The following EXOC4 variants were observed in gnomAD, a reference collection of about 807,000 sequenced individuals.
EXOC4 encodes the protein exocyst complex component 4, also known as SEC8-like 1.
Under a neutral mutation model 107.2 loss-of-function variants are expected in EXOC4, and 71 were observed. The ratio of observed to expected loss-of-function variants is 0.66; its 90% CI spans 0.55 to 0.81. The LOEUF (loss-of-function observed/expected upper bound fraction) is 0.81, where lower values mean the gene tolerates loss of function less well. Among genes scored for constraint, EXOC4 ranks in the 30% least tolerant of loss-of-function variants. EXOC4 has a pLI of 0.00. For synonymous variants in EXOC4, 456 were observed against 441.2 expected (o/e 1.03, Z -0.42); for missense variants, 1,108 against 1,189.6 (o/e 0.93, Z 1.01).
At chr7:133,875,673 CT>C (rs1288707135) in intron 11 of EXOC4, among the ~76,000 whole-genome samples, 2 of 152,110 alleles carry the variant, frequency 1.3e-5, no homozygotes, top group Non-Finnish European at 2.9e-5. Context: ...CTTTTTTTCA[CT>C]GAAGAATGTC....
intron 7 of EXOC4, among the ~76,000 whole-genome samples, chr7:133,465,912 G>A (rs1178686959): frequency 6.6e-6 from 1 of 152,082 alleles, no homozygotes; most frequent in Admixed American, 6.6e-5. Context: ...GAGGTGGGTG[G>A]ATCACCAGAG....
At chr7:133,604,702 C>CTTTTTTTTTTTTTTTT (rs1801888688) in intron 9 of EXOC4, among the ~76,000 whole-genome samples, 1 of 113,124 alleles carries the variant, frequency 8.8e-6, no homozygotes, top group Non-Finnish European at 1.9e-5. Flanking sequence ...TTCCTTCCTT[C>CTTTTTTTTTTTTTTTT]CTTCTTTCTT....
At position 133,516,758 on chromosome 7, in the gene EXOC4, A is replaced by ATTTTT. The variant is rs780319592; in HGVS notation, c.1417+36630_1417+36634dup. Among the ~76,000 whole-genome samples, 63 of 49,044 alleles carry ATTTTT rather than the reference A, an allele frequency of 1.3e-3. 10 individuals are homozygous for ATTTTT. The highest frequency in any genetic ancestry group is 2.2e-3 in the Admixed American group (6 of 2,672). 32.2% of individuals were successfully genotyped at this position (49,044 alleles called of 152,430 possible). ...TGGGAAACTGCCAAACTAGCTGCTCATTTTTTTTTTTTTTACAGAATTTAT... is the reference window on the plus strand; with the variant it reads ...TGGGAAACTGCCAAACTAGCTGCTCATTTTTTTTTTTTTTTTTTTACAGAATTTAT... On this transcript the variant is annotated intron_variant, in intron 9 of 17. Coordinates refer to ENST00000253861, the MANE Select transcript of EXOC4 (RefSeq NM_021807.4).
chr7:134,041,916 A>C (rs758914654), intron 17 of EXOC4, among the ~76,000 whole-genome samples: 12 of 152,196 alleles, frequency 7.9e-5, no homozygotes, highest in Non-Finnish European at 1.2e-4. Flanking sequence ...GGCTTTAAAA[A>C]TCCTCATTTC....
intron 17 of EXOC4, among the ~76,000 whole-genome samples, chr7:134,018,538 G>A (rs1417485628): frequency 6.6e-6 from 1 of 152,140 alleles, no homozygotes; most frequent in African/African-American, 2.4e-5. Flanking sequence ...GAATTCTGTG[G>A]CCAGCACTCC....
At chr7:133,649,292 C>G (rs988284759) in intron 10 of EXOC4, among the ~76,000 whole-genome samples, 1 of 151,988 alleles carries the variant, frequency 6.6e-6, no homozygotes, top group African/African-American at 2.4e-5. Flanking sequence ...TTTTCCAGCA[C>G]CACTTTCTTT....
At chr7:133,281,917 A>G (rs1259965745) in intron 2 of EXOC4, among the ~76,000 whole-genome samples, 1 of 152,036 alleles carries the variant, frequency 6.6e-6, no homozygotes, top group Admixed American at 6.6e-5. Flanking sequence ...TGGCCAGGCT[A>G]GTCTTGAACT....
At chr7:133,327,125 G>T (rs1795264485) in intron 5 of EXOC4, among the ~76,000 whole-genome samples, 2 of 152,156 alleles carry the variant, frequency 1.3e-5, no homozygotes, top group Non-Finnish European at 2.9e-5. Flanking sequence ...CTTTGGCTAG[G>T]AAAGGGAATT....
At chr7:133,468,549 G>A (rs900491757) in intron 7 of EXOC4, among the ~76,000 whole-genome samples, 1 of 152,080 alleles carries the variant, frequency 6.6e-6, no homozygotes, top group East Asian at 1.9e-4. Flanking sequence ...AATGTTTTCA[G>A]GAATCAAGGT....
At chr7:133,613,781 A>G (rs1019962633) in intron 9 of EXOC4, among the ~76,000 whole-genome samples, 2 of 152,140 alleles carry the variant, frequency 1.3e-5, no homozygotes, top group East Asian at 1.9e-4. Flanking sequence ...TGTTCTTTTC[A>G]CGAAATACCT....
At chr7:133,281,456 A>T (rs909908555) in intron 2 of EXOC4, among the ~76,000 whole-genome samples, 5 of 151,352 alleles carry the variant, frequency 3.3e-5, no homozygotes, top group Non-Finnish European at 7.4e-5. Flanking sequence ...ACTTTCGCCA[A>T]CAAAATTCAA....
At chr7:133,625,490 T>C (rs971629991) in intron 9 of EXOC4, among the ~76,000 whole-genome samples, 1 of 152,250 alleles carries the variant, frequency 6.6e-6, no homozygotes, top group Non-Finnish European at 1.5e-5. Flanking sequence ...ATCCTGTTTC[T>C]ATTTCTTTCT....
intron 17 of EXOC4, among the ~76,000 whole-genome samples, chr7:134,054,836 C>T (rs970667408): frequency 2.0e-5 from 3 of 152,212 alleles, no homozygotes; most frequent in African/African-American, 7.2e-5. Context: ...CTATCCATCA[C>T]GTTTGTCAGA....
chr7:133,576,562 G>A, intron 9 of EXOC4: 1 of 1,289,772 alleles, frequency 7.8e-7, no homozygotes, highest in Admixed American at 2.3e-5. Flanking sequence ...GCAAAGGAGA[G>A]GATCCCAATA....
At chr7:134,053,155 G>A (rs1368401502) in intron 17 of EXOC4, among the ~76,000 whole-genome samples, 3 of 151,706 alleles carry the variant, frequency 2.0e-5, no homozygotes, top group East Asian at 1.9e-4. Flanking sequence ...AGAGAATGGC[G>A]TGAACCCGGG....
chr7:134,092,922 CAAAA>C, the EXOC4 span, among the ~76,000 whole-genome samples: 3 of 80,478 alleles, frequency 3.7e-5, no homozygotes, highest in African/African-American at 9.1e-5. Context: ...GACTCCATCT[CAAAA>C]AAAAAAAAAA....
At chr7:133,556,916 T>G (rs1051369623) in intron 9 of EXOC4, among the ~76,000 whole-genome samples, 2 of 152,204 alleles carry the variant, frequency 1.3e-5, no homozygotes, top group African/African-American at 4.8e-5. Flanking sequence ...GCCTGGGGCC[T>G]TCTTGAATCC....
intron 12 of EXOC4, among the ~76,000 whole-genome samples, chr7:133,899,187 A>T (rs1799393971): frequency 6.6e-6 from 1 of 152,102 alleles, no homozygotes; most frequent in Admixed American, 6.6e-5. Flanking sequence ...AATGTTGATA[A>T]ATAGTAATTA....
At chr7:133,368,221 T>A (rs899311538) in intron 6 of EXOC4, among the ~76,000 whole-genome samples, 1 of 152,164 alleles carries the variant, frequency 6.6e-6, no homozygotes, top group Non-Finnish European at 1.5e-5. Context: ...TTGTAATAGT[T>A]TGTTTGGAGG....
Sources: gnomAD v4.1 joint callset for allele counts (sites outside exome capture counted in the v4.1 genomes callset) on GRCh38, gnomAD v4.1.1 for gene constraint, MANE v1.5 for transcripts, NCBI Gene and HGNC (gene_info 2026-07-23, HGNC 2026-07-21) for gene names.